The following ADK variants were observed in gnomAD, a reference collection of about 807,000 sequenced individuals.
ADK encodes adenosine kinase.
ADK carries 24 observed loss-of-function variants against 44.7 expected under a neutral mutation model. That is an observed-to-expected ratio of 0.54 (90% CI 0.39 to 0.76). The LOEUF is 0.76. ADK is among the 30% of genes least tolerant of loss of function. ADK has a pLI of 0.00. For missense variants in ADK, 321 were observed against 425.1 expected (o/e 0.76, Z 2.15); for synonymous variants, 128 against 142.6 (o/e 0.90, Z 0.73).
chr10:74,216,104 T>A (rs1660257432), intron 2 of ADK, among the ~76,000 whole-genome samples: 2 of 152,186 alleles, frequency 1.3e-5, no homozygotes, highest in South Asian at 4.1e-4. Flanking sequence ...GTTATACTTT[T>A]CACACCAGAT....
intron 2 of ADK, among the ~76,000 whole-genome samples, chr10:74,201,874 T>G (rs961364786): frequency 1.3e-5 from 2 of 152,074 alleles, no homozygotes; most frequent in Non-Finnish European, 2.9e-5. Flanking sequence ...CCCCCTCTCC[T>G]CACACACCCT....
chr10:74,339,675 G>A (rs1841521863), intron 4 of ADK, among the ~76,000 whole-genome samples: 1 of 152,174 alleles, frequency 6.6e-6, no homozygotes, highest in South Asian at 2.1e-4. Flanking sequence ...AAACTGTGGT[G>A]TTGGACATAA....
chr10:74,419,395 G>T (rs899029222), intron 6 of ADK, among the ~76,000 whole-genome samples: 3 of 152,022 alleles, frequency 2.0e-5, no homozygotes, highest in Non-Finnish European at 4.4e-5. Context: ...GCATCAATCG[G>T]TCTTTCAGGT....
chr10:74,236,256 T>C (rs1052478277), intron 3 of ADK, among the ~76,000 whole-genome samples: 4 of 152,220 alleles, frequency 2.6e-5, no homozygotes, highest in Non-Finnish European at 5.9e-5. Flanking sequence ...ACCATAAAGC[T>C]AGGGACTAAA....
At chr10:74,501,375 AT>A (rs1027942616) in intron 6 of ADK, among the ~76,000 whole-genome samples, 4 of 152,202 alleles carry the variant, frequency 2.6e-5, no homozygotes, top group African/African-American at 4.8e-5. Flanking sequence ...CATATATAAA[AT>A]TTCGTGTTTA....
chr10:74,160,582 A>C (rs1841862174), intron 1 of ADK, among the ~76,000 whole-genome samples: 1 of 151,888 alleles, frequency 6.6e-6, no homozygotes, highest in African/African-American at 2.4e-5. Flanking sequence ...CATTACAATC[A>C]CTGTATCAGA....
chr10:74,656,363 A>G (rs1252977560), intron 9 of ADK, among the ~76,000 whole-genome samples: 2 of 152,178 alleles, frequency 1.3e-5, no homozygotes, highest in African/African-American at 2.4e-5. Flanking sequence ...GGACTTGTCC[A>G]TGCTATTTGT....
At chr10:74,258,309 G>A (rs563737578) in intron 3 of ADK, among the ~76,000 whole-genome samples, 1 of 152,084 alleles carries the variant, frequency 6.6e-6, no homozygotes, top group South Asian at 2.1e-4. Flanking sequence ...TTAATAATTG[G>A]TTTTCTCCTC....
chr10:74,537,291 A>T (rs1849486304), intron 7 of ADK, among the ~76,000 whole-genome samples: 2 of 152,208 alleles, frequency 1.3e-5, no homozygotes, highest in South Asian at 4.1e-4. Context: ...TAAATTACAC[A>T]TCTGAATTGA....
At chr10:74,410,935 T>TAATAA in intron 6 of ADK, among the ~76,000 whole-genome samples, 1 of 152,196 alleles carries the variant, frequency 6.6e-6, no homozygotes, top group African/African-American at 2.4e-5. Context: ...TTTATAATAT[T>TAATAA]CTTCTGTGAT....
intron 3 of ADK, among the ~76,000 whole-genome samples, chr10:74,294,461 A>G (rs959844047): frequency 2.6e-5 from 4 of 151,974 alleles, no homozygotes; most frequent in Non-Finnish European, 4.4e-5. Context: ...TAATTTTTGT[A>G]TTTCTGGTAG....
chr10:74,528,596 G>C (rs975773682), intron 7 of ADK, among the ~76,000 whole-genome samples: 8 of 152,136 alleles, frequency 5.3e-5, no homozygotes, highest in Admixed American at 2.0e-4. Context: ...CTAGTGGAAT[G>C]GGAGTTAATA....
chr10:74,240,444 A>G (rs1476555193), intron 3 of ADK, among the ~76,000 whole-genome samples: 1 of 149,560 alleles, frequency 6.7e-6, no homozygotes, highest in Non-Finnish European at 1.5e-5. Flanking sequence ...AGATGCTGAA[A>G]TTTTCCCTTT....
intron 6 of ADK, among the ~76,000 whole-genome samples, chr10:74,498,448 G>C (rs941754949): frequency 6.6e-6 from 1 of 152,128 alleles, no homozygotes; most frequent in Non-Finnish European, 1.5e-5. Flanking sequence ...TTCTCATTCT[G>C]CTTTAGAGAA....
At chr10:74,373,425 T>C (rs1304266205) in intron 4 of ADK, among the ~76,000 whole-genome samples, 1 of 152,182 alleles carries the variant, frequency 6.6e-6, no homozygotes, top group Non-Finnish European at 1.5e-5. Context: ...CACATATCTA[T>C]TTTATCTTGA....
chr10:74,369,914 G>C (rs777806808), intron 4 of ADK, among the ~76,000 whole-genome samples: 10 of 152,186 alleles, frequency 6.6e-5, no homozygotes, highest in Non-Finnish European at 1.3e-4. Context: ...GTACTAGAAT[G>C]AATAATTGAG....
At chr10:74,540,052 C>T (rs752191757) in intron 7 of ADK, among the ~76,000 whole-genome samples, 4 of 152,296 alleles carry the variant, frequency 2.6e-5, no homozygotes, top group Non-Finnish European at 5.9e-5. Context: ...TTTACGCCAA[C>T]TACATTGCCT....
At chr10:74,229,175 C>T (rs1844655264) in intron 3 of ADK, among the ~76,000 whole-genome samples, 1 of 151,834 alleles carries the variant, frequency 6.6e-6, no homozygotes, top group Non-Finnish European at 1.5e-5. Flanking sequence ...TGCCAATTTA[C>T]GATTATGATG....
At chr10:74,603,260 AT>A (rs199862880) in intron 9 of ADK, among the ~76,000 whole-genome samples, 9 of 150,662 alleles carry the variant, frequency 6.0e-5, no homozygotes, top group East Asian at 3.9e-4. Context: ...CCTTAAACCT[AT>A]TTTTTTTTAA....
Sources: gnomAD v4.1 joint callset for allele counts (sites outside exome capture counted in the v4.1 genomes callset) on GRCh38, gnomAD v4.1.1 for gene constraint, MANE v1.5 for transcripts, NCBI Gene and HGNC (gene_info 2026-07-23, HGNC 2026-07-21) for gene names.